Variants in LIFR observed in about 807,000 individuals in gnomAD.
The protein encoded by LIFR is leukemia inhibitory factor receptor.
In LIFR, 84 loss-of-function variants were observed where a neutral mutation model predicts 122.2. The ratio of observed to expected loss-of-function variants is 0.69; its 90% CI spans 0.58 to 0.82. LIFR has a LOEUF of 0.82. LIFR is among the 40% of genes least tolerant of loss of function. The pLI is 0.00. For synonymous variants in LIFR, 422 were observed against 434.7 expected (o/e 0.97, Z 0.36); for missense variants, 1,294 against 1,311.6 (o/e 0.99, Z 0.21).
chr5:38,495,663 C>T (rs866708731), intron 13 of LIFR, among the ~76,000 whole-genome samples: 11 of 152,100 alleles, frequency 7.2e-5, no homozygotes, highest in African/African-American at 2.4e-4. Context: ...GCTCCCATAT[C>T]GGGGCAAGAG....
intron 1 of LIFR, among the ~76,000 whole-genome samples, chr5:38,563,768 A>G (rs1748915734): frequency 6.6e-6 from 1 of 152,180 alleles, no homozygotes; most frequent in Admixed American, 6.5e-5. Flanking sequence ...TAACTTGCCA[A>G]AGGCCACACG....
chr5:38,517,637 T>A (rs1157676453), intron 5 of LIFR, among the ~76,000 whole-genome samples: 1 of 151,430 alleles, frequency 6.6e-6, no homozygotes, highest in Non-Finnish European at 1.5e-5. Context: ...GTGGCCAGAT[T>A]ACAAGGTCAA....
chr5:38,599,325 C>T (rs1750180965), upstream of LIFR, among the ~76,000 whole-genome samples: 2 of 152,176 alleles, frequency 1.3e-5, no homozygotes, highest in African/African-American at 4.8e-5. Context: ...AGAGTGACCC[C>T]AAACTGGACT....
chr5:38,504,830 G>T (rs1362992973), intron 9 of LIFR, among the ~76,000 whole-genome samples: 1 of 152,178 alleles, frequency 6.6e-6, no homozygotes, highest in East Asian at 1.9e-4. Flanking sequence ...AAAGACGACA[G>T]GAAAGAACAA....
At chr5:38,589,200 T>C (rs1340180810) in intron 1 of LIFR, among the ~76,000 whole-genome samples, 1 of 151,660 alleles carries the variant, frequency 6.6e-6, no homozygotes, top group Non-Finnish European at 1.5e-5. Context: ...GTAGAGATGG[T>C]GTTTCACTGT....
chr5:38,482,442 T>G, intron 19 of LIFR, 147 bp downstream of exon 19: 1 of 603,834 alleles, frequency 1.7e-6, no homozygotes, highest in Non-Finnish European at 2.8e-6. Context: ...TTAAAATTAA[T>G]AATTTTAGAA....
At position 38,476,751 on chromosome 5, in the gene LIFR, C is replaced by A; in HGVS notation, c.*4844G>T. On this transcript the variant is annotated 3_prime_UTR_variant, in exon 20 of 20. Transcript: ENST00000453190. ...TATAAGAGCTTTTGATGTACTGTTT[C>A]TACGGTTCTTTAGGCACTTACACAT... The A allele has an allele frequency of 4.8e-6, 1 of 210,108 alleles. No individual in the cohort carries two copies. Among genetic ancestry groups the A allele is most frequent in the Non-Finnish European group, 9.7e-6 (1 of 103,604 alleles). 13.0% of individuals were successfully genotyped at this position (210,108 alleles called of 1,614,324 possible).
At chr5:38,516,536 T>C (rs1289615714) in intron 5 of LIFR, among the ~76,000 whole-genome samples, 4 of 152,192 alleles carry the variant, frequency 2.6e-5, no homozygotes, top group South Asian at 2.1e-4. Context: ...AGAATGGCGA[T>C]CATTAAAAAG....
upstream of LIFR, among the ~76,000 whole-genome samples, chr5:38,559,734 A>G (rs1748761626): frequency 3.3e-5 from 5 of 152,212 alleles, no homozygotes; most frequent in South Asian, 1.0e-3. Context: ...GCTAAAATTG[A>G]ATGGGACTGA....
At chr5:38,543,573 A>C (rs1299894075) in intron 1 of LIFR, among the ~76,000 whole-genome samples, 1 of 152,228 alleles carries the variant, frequency 6.6e-6, no homozygotes, top group Non-Finnish European at 1.5e-5. Context: ...CATGCAACTT[A>C]TGATCTACTT....
intron 9 of LIFR, 95 bp downstream of exon 9, chr5:38,505,810 T>G (rs947285164): frequency 3.3e-6 from 2 of 609,816 alleles, no homozygotes; most frequent in Non-Finnish European, 5.4e-6. Context: ...ATAAAGAAAA[T>G]AATCAGCAAA....
intron 1 of LIFR, chr5:38,579,435 T>G (rs1749508316): frequency 1.3e-5 from 2 of 151,768 alleles, no homozygotes; most frequent in South Asian, 4.2e-4. Context: ...ATAAAGTAGG[T>G]CAAATATTTT....
chr5:38,478,460 CAG>C lies in LIFR; in HGVS notation c.*3133_*3134del. On this transcript the variant is annotated 3_prime_UTR_variant, in exon 20 of 20. Coordinates refer to ENST00000453190, the MANE Select transcript of LIFR (RefSeq NM_001127671.2). ...CACACAACTCAACTATCCAGATACT[CAG>C]GGCCACAATCTCAAATCTAGGGCTG... 1 of 214,454 alleles carries C rather than the reference CAG, an allele frequency of 4.7e-6. No individual in the cohort carries two copies. The highest frequency in any genetic ancestry group is 9.4e-6 in the Non-Finnish European group (1 of 105,862). The allele number at this position is 214,454 out of a possible 1,614,324, so 13.3% of individuals were successfully genotyped here. A position where few individuals can be genotyped will look rare whatever the true frequency, so the allele number is the denominator to read the frequency against.
At chr5:38,485,730 G>T in intron 17 of LIFR, 89 bp downstream of exon 17, 1 of 1,430,220 alleles carries the variant, frequency 7.0e-7, no homozygotes, top group Non-Finnish European at 9.9e-7. Flanking sequence ...TTTTAGAAAG[G>T]GCGGGGAGGG....
chr5:38,605,260 C>T (rs1750302286), intron 2 of LIFR, among the ~76,000 whole-genome samples: 1 of 152,212 alleles, frequency 6.6e-6, no homozygotes, highest in African/African-American at 2.4e-5. Flanking sequence ...TTTACGGACA[C>T]TGGGCTATAT....
At chr5:38,597,249 T>C (rs1275900007), upstream of LIFR, among the ~76,000 whole-genome samples, 1 of 152,210 alleles carries the variant, frequency 6.6e-6, no homozygotes, top group African/African-American at 2.4e-5. Flanking sequence ...GACAAGATTG[T>C]TCTGCCAAGA....
chr5:38,531,637 A>G (rs1006760005), intron 1 of LIFR, among the ~76,000 whole-genome samples: 1 of 152,116 alleles, frequency 6.6e-6, no homozygotes, highest in Admixed American at 6.5e-5. Flanking sequence ...TAAAATTAAA[A>G]TAAGAAAAAG....
At position 38,591,523 on chromosome 5, in the gene LIFR, G is replaced by A. The variant is rs138768459; in HGVS notation, c.-20+3738C>T. 1.1e-3 allele frequency among the ~76,000 whole-genome samples: 173 copies of A among 152,308 alleles called. 2 individuals carry two copies. The highest frequency in any genetic ancestry group is 4.0e-3 in the African/African-American group (166 of 41,578). On this transcript the variant is annotated intron_variant, in intron 1 of 19. Transcript: ENST00000263409. ...GCTTTAACTTTTCATCTGTTTTGTAGAATGTAGAATTTGGCTTAATGACTA... is the reference window on the plus strand; with the variant it reads ...GCTTTAACTTTTCATCTGTTTTGTAAAATGTAGAATTTGGCTTAATGACTA...
intron 14 of LIFR, among the ~76,000 whole-genome samples, chr5:38,492,941 T>C (rs1403735938): frequency 6.6e-6 from 1 of 152,174 alleles, no homozygotes; most frequent in African/African-American, 2.4e-5. Context: ...CTGTAGGTTA[T>C]TAAACACTCC....
Sources: gnomAD v4.1 joint callset for allele counts (sites outside exome capture counted in the v4.1 genomes callset) on GRCh38, gnomAD v4.1.1 for gene constraint, MANE v1.5 for transcripts, NCBI Gene and HGNC (gene_info 2026-07-23, HGNC 2026-07-21) for gene names.